Variants in RAPGEF5 observed in about 807,000 individuals in gnomAD.
The protein encoded by RAPGEF5 is M-Ras-regulated GEF.
A neutral mutation model predicts 125.2 loss-of-function variants in RAPGEF5; 65 were observed. The observed-to-expected ratio is 0.52, with a 90% CI of 0.43 to 0.64. The LOEUF (loss-of-function observed/expected upper bound fraction) is 0.64, where lower values mean the gene tolerates loss of function less well. RAPGEF5 is among the 30% of genes least tolerant of loss of function. The pLI, the probability that RAPGEF5 is intolerant of heterozygous loss-of-function variation, is 0.00. For missense variants in RAPGEF5, 958 were observed against 1,048.1 expected (o/e 0.91, Z 1.19); for synonymous variants, 391 against 385.9 (o/e 1.01, Z -0.16).
At chr7:22,164,628 T>C (rs1784106086) in intron 12 of RAPGEF5, among the ~76,000 whole-genome samples, 1 of 152,214 alleles carries the variant, frequency 6.6e-6, no homozygotes, top group African/African-American at 2.4e-5. Context: ...AAAATATATT[T>C]ACCGGTTAAA....
chr7:22,156,787 C>A (rs1297029369), intron 16 of RAPGEF5, 23 bp downstream of exon 16: 1 of 1,613,382 alleles, frequency 6.2e-7, no homozygotes, highest in Non-Finnish European at 8.5e-7. Flanking sequence ...CACCCCCAAA[C>A]CCTCACTTCA....
At chr7:22,145,817 A>G (rs1783417987) in intron 19 of RAPGEF5, among the ~76,000 whole-genome samples, 1 of 152,188 alleles carries the variant, frequency 6.6e-6, no homozygotes, top group Admixed American at 6.6e-5. Flanking sequence ...AACCACCAAT[A>G]TAAAACATTG....
At chr7:22,150,718 G>A (rs556065600) in intron 17 of RAPGEF5, among the ~76,000 whole-genome samples, 1 of 152,294 alleles carries the variant, frequency 6.6e-6, no homozygotes, top group East Asian at 1.9e-4. Context: ...TCAGAAAGTG[G>A]AGTCCTCTTG....
intron 1 of RAPGEF5, among the ~76,000 whole-genome samples, chr7:22,344,236 T>C (rs1784182316): frequency 1.3e-5 from 2 of 152,186 alleles, no homozygotes; most frequent in Admixed American, 1.3e-4. Flanking sequence ...TCACCATGGC[T>C]ACACCTCCCA....
In RAPGEF5 at chr7:22,292,824, G is replaced by A. The variant is rs1050696650; in HGVS notation, c.681-1583C>T. Among the ~76,000 whole-genome samples, 4 of 152,202 alleles carry A rather than the reference G, an allele frequency of 2.6e-5. No individual in the cohort carries two copies. The East Asian group carries it at 7.7e-4, about 29-fold the overall frequency. ...GTTTCTCAGACCCCAACAGACACCC[G>A]AAGTATTAGTTAACGAGCATGAGGT... On this transcript the variant is annotated intron_variant, in intron 5 of 25. Transcript: ENST00000665637.
At chr7:22,318,141 A>C in intron 1 of RAPGEF5, 104 bp from the exon 2 acceptor site, 1 of 1,015,024 alleles carries the variant, frequency 9.9e-7, no homozygotes, top group Non-Finnish European at 1.4e-6. Flanking sequence ...CTGCTATGAA[A>C]AAAAAAAAAA....
chr7:22,307,238 T>C (rs921919688), intron 5 of RAPGEF5, among the ~76,000 whole-genome samples: 1 of 152,174 alleles, frequency 6.6e-6, no homozygotes, highest in African/African-American at 2.4e-5. Flanking sequence ...TCATCAGTGT[T>C]TACAGTTTTC....
At chr7:22,180,844 A>G (rs1784651551) in intron 11 of RAPGEF5, among the ~76,000 whole-genome samples, 1 of 152,230 alleles carries the variant, frequency 6.6e-6, no homozygotes, top group African/African-American at 2.4e-5. Context: ...ACGAAGACAC[A>G]GTGCCTTGGA....
intron 11 of RAPGEF5, among the ~76,000 whole-genome samples, chr7:22,186,067 C>T (rs963109343): frequency 5.3e-5 from 8 of 152,116 alleles, no homozygotes; most frequent in African/African-American, 1.7e-4. Flanking sequence ...CTCAAGTCAT[C>T]TGCCCACCTT....
intron 1 of RAPGEF5, among the ~76,000 whole-genome samples, chr7:22,338,293 T>C (rs1459186606): frequency 6.6e-6 from 1 of 152,196 alleles, no homozygotes; most frequent in African/African-American, 2.4e-5. Context: ...CTCTGGTGGG[T>C]AGACAACTCC....
intron 8 of RAPGEF5, among the ~76,000 whole-genome samples, chr7:22,227,076 C>T (rs1161347113): frequency 6.6e-6 from 1 of 151,458 alleles, no homozygotes. Flanking sequence ...GTAAGGGGTT[C>T]ATTCACTTCA....
At chr7:22,336,246 C>G (rs1442363147) in intron 1 of RAPGEF5, among the ~76,000 whole-genome samples, 1 of 152,224 alleles carries the variant, frequency 6.6e-6, no homozygotes. Context: ...CACCTTACAT[C>G]TGTTACATCA....
chr7:22,229,358 A>T (rs1786001590), intron 8 of RAPGEF5, among the ~76,000 whole-genome samples: 1 of 152,188 alleles, frequency 6.6e-6, no homozygotes, highest in Admixed American at 6.5e-5. Context: ...AGCAGCCTAG[A>T]GGCACATTCC....
intron 1 of RAPGEF5, among the ~76,000 whole-genome samples, chr7:22,328,108 C>T (rs931879860): frequency 6.6e-6 from 1 of 152,204 alleles, no homozygotes; most frequent in African/African-American, 2.4e-5. Flanking sequence ...TCACCCACAT[C>T]CCTAGGACGT....
chr7:22,180,851 T>C (rs1408275865), intron 11 of RAPGEF5, among the ~76,000 whole-genome samples: 1 of 152,214 alleles, frequency 6.6e-6, no homozygotes, highest in Non-Finnish European at 1.5e-5. Context: ...CACAGTGCCT[T>C]GGATGTTTGT....
chr7:22,203,244 T>C (rs1006602476), intron 9 of RAPGEF5, among the ~76,000 whole-genome samples: 2 of 152,040 alleles, frequency 1.3e-5, no homozygotes, highest in Non-Finnish European at 2.9e-5. Context: ...ATGAAATAGA[T>C]CATTTTCATG....
chr7:22,223,572 C>T (rs1785844088), intron 8 of RAPGEF5, among the ~76,000 whole-genome samples: 5 of 152,054 alleles, frequency 3.3e-5, no homozygotes, highest in Admixed American at 3.3e-4. Flanking sequence ...TTCCAGTAGA[C>T]AGCAAAATTT....
chr7:22,224,835 CT>C (rs61426791), intron 8 of RAPGEF5, among the ~76,000 whole-genome samples: 37,585 of 139,974 alleles, frequency 0.27, 5,022 homozygotes, highest in African/African-American at 0.38. Context: ...TTTTGGTTTT[CT>C]TTTTTTTTTT....
chr7:22,181,709 G>A (rs1321906746), intron 11 of RAPGEF5, among the ~76,000 whole-genome samples: 2 of 152,112 alleles, frequency 1.3e-5, no homozygotes, highest in Non-Finnish European at 2.9e-5. Flanking sequence ...AGATTCAAGG[G>A]AAGGACTGCC....
Sources: gnomAD v4.1 joint callset for allele counts (sites outside exome capture counted in the v4.1 genomes callset) on GRCh38, gnomAD v4.1.1 for gene constraint, MANE v1.5 for transcripts, NCBI Gene and HGNC (gene_info 2026-07-23, HGNC 2026-07-21) for gene names.